Variants in CXADR observed in about 807,000 individuals in gnomAD.
The protein encoded by CXADR is CXADR cell adhesion molecule, also known as coxsackievirus and adenovirus receptor.
A neutral mutation model predicts 40.3 loss-of-function variants in CXADR; 20 were observed. That is an observed-to-expected ratio of 0.50 (90% confidence interval 0.35 to 0.72). The LOEUF (loss-of-function observed/expected upper bound fraction) is 0.72. Ranked by LOEUF, CXADR falls within the 30% of genes least tolerant of loss-of-function variation. The pLI, the probability that CXADR is intolerant of heterozygous loss-of-function variation, is 0.01. For missense variants in CXADR, 332 were observed against 449.1 expected (o/e 0.74, Z 2.36); for synonymous variants, 150 against 161.3 (o/e 0.93, Z 0.53).
chr21:17,627,297 G>A, the CXADR span, among the ~76,000 whole-genome samples: 169 of 152,190 alleles, frequency 1.1e-3, no homozygotes, highest in Non-Finnish European at 2.0e-3. Context: ...CGGAGGTTGC[G>A]GTGAGCCGAG....
chr21:17,617,886 G>T, the CXADR span, among the ~76,000 whole-genome samples: 1 of 152,178 alleles, frequency 6.6e-6, no homozygotes, highest in African/African-American at 2.4e-5. Flanking sequence ...CTGGTAGCTT[G>T]TGATGTTGTT....
the CXADR span, among the ~76,000 whole-genome samples, chr21:17,631,386 A>C: frequency 6.6e-6 from 1 of 152,234 alleles, no homozygotes; most frequent in Non-Finnish European, 1.5e-5. Flanking sequence ...TTTGTTGGCC[A>C]GCACACTAGT....
In CXADR at chr21:17,537,576, C is replaced by G. The variant is rs553732761; in HGVS notation, c.44-9451C>G. On this transcript the variant is annotated intron_variant, in intron 1 of 6. Transcript: ENST00000284878. ...CTTGAATTCTACAATGAGTCATGATCTTTAAAATCCCTGTGCATGTGCCAT... is the reference window on the plus strand; with the variant it reads ...CTTGAATTCTACAATGAGTCATGATGTTTAAAATCCCTGTGCATGTGCCAT... 1.1e-4 allele frequency among the ~76,000 whole-genome samples: 16 copies of G among 152,128 alleles called. No homozygotes were observed. In the South Asian group the frequency reaches 3.3e-3, roughly 32 times the overall value.
intron 7 of CXADR, among the ~76,000 whole-genome samples, chr21:17,589,929 C>T (rs2061423149): frequency 6.6e-6 from 1 of 151,872 alleles, no homozygotes; most frequent in Admixed American, 6.6e-5. Context: ...ATTTTGATTC[C>T]CAAAATAAAT....
At chr21:17,591,046 C>T (rs956178525) in intron 7 of CXADR, among the ~76,000 whole-genome samples, 1 of 151,880 alleles carries the variant, frequency 6.6e-6, no homozygotes, top group East Asian at 2.0e-4. Flanking sequence ...TACCTTCGCA[C>T]TGGTTCCTTT....
chr21:17,515,438 ACT>A (rs749732828), intron 1 of CXADR, among the ~76,000 whole-genome samples: 3 of 150,340 alleles, frequency 2.0e-5, no homozygotes, highest in Non-Finnish European at 3.0e-5. Context: ...ACAGAGTGAG[ACT>A]CTGTCTCAAA....
chr21:17,523,558 A>G (rs932665498), intron 1 of CXADR, among the ~76,000 whole-genome samples: 2 of 152,164 alleles, frequency 1.3e-5, no homozygotes, highest in Non-Finnish European at 2.9e-5. Context: ...AGTCATCATC[A>G]GATGAGAGTT....
rs981433415 is a variant in CXADR at position 17,569,451 on chromosome 21, G to A, written c.*3759G>A. 7 of 984,916 alleles carry A rather than the reference G, an allele frequency of 7.1e-6. No individual in the cohort carries two copies. The South Asian group carries it at 1.9e-4, about 26-fold the overall frequency. 61.0% of individuals were successfully genotyped at this position (984,916 alleles called of 1,614,324 possible). ...CTGGGCAAGTTTTAATATTTTGAAT[G>A]CCTTTGGATATTCCAGCAATAAAGG... On this transcript the variant is annotated 3_prime_UTR_variant, in exon 7 of 7. Transcript: ENST00000284878.
At chr21:17,621,520 G>A in the CXADR span, among the ~76,000 whole-genome samples, 1 of 152,182 alleles carries the variant, frequency 6.6e-6, no homozygotes, top group Non-Finnish European at 1.5e-5. Context: ...ATAAATTAAT[G>A]TGACCCCTGC....
downstream of CXADR, among the ~76,000 whole-genome samples, chr21:17,573,345 G>A (rs1208498968): frequency 6.6e-6 from 1 of 152,082 alleles, no homozygotes; most frequent in Admixed American, 6.5e-5. Flanking sequence ...ATAGAGGATG[G>A]GGACACCTCA....
chr21:17,577,474 T>C (rs548016706), intron 7 of CXADR, among the ~76,000 whole-genome samples: 21 of 152,254 alleles, frequency 1.4e-4, no homozygotes, highest in Non-Finnish European at 2.5e-4. Context: ...TTATGTCATA[T>C]GTAATGTTGC....
At chr21:17,593,115 A>C in intron 7 of CXADR, 1 of 1,318,578 alleles carries the variant, frequency 7.6e-7, no homozygotes, top group Non-Finnish European at 9.8e-7. Flanking sequence ...GAAAAATCAA[A>C]ACTCTTATAG....
chr21:17,580,825 A>G (rs899217298), intron 7 of CXADR, among the ~76,000 whole-genome samples: 29 of 152,140 alleles, frequency 1.9e-4, no homozygotes, highest in South Asian at 1.2e-3. Context: ...ATCATGGCTC[A>G]CTGCAGCCTC....
intron 1 of CXADR, chr21:17,530,361 C>T (rs1367189402): frequency 9.0e-6 from 4 of 444,666 alleles, no homozygotes; most frequent in Admixed American, 5.0e-5. Flanking sequence ...TGTTTTTTGT[C>T]TTATTTTACT....
chr21:17,628,084 A>G, the CXADR span, among the ~76,000 whole-genome samples: 1 of 152,200 alleles, frequency 6.6e-6, no homozygotes, highest in African/African-American at 2.4e-5. Context: ...AGAGTTATAC[A>G]CTTAAGAGAT....
At chr21:17,587,676 T>C (rs1428730942) in intron 7 of CXADR, among the ~76,000 whole-genome samples, 1 of 152,114 alleles carries the variant, frequency 6.6e-6, no homozygotes, top group African/African-American at 2.4e-5. Context: ...TATTCTCCCA[T>C]TCTGTAGGTT....
chr21:17,598,053 A>AT (rs1569175337), downstream of CXADR, among the ~76,000 whole-genome samples: 1 of 152,178 alleles, frequency 6.6e-6, no homozygotes, highest in East Asian at 1.9e-4. Context: ...TTGGTCAACA[A>AT]TTTTTTAAAG....
chr21:17,587,350 C>T (rs995196851), intron 7 of CXADR, among the ~76,000 whole-genome samples: 2 of 152,094 alleles, frequency 1.3e-5, no homozygotes, highest in African/African-American at 4.8e-5. Context: ...TTTACAGTCC[C>T]ACCAACAGTG....
chr21:17,602,119 A>G, the CXADR span, among the ~76,000 whole-genome samples: 8 of 152,186 alleles, frequency 5.3e-5, no homozygotes, highest in Non-Finnish European at 8.8e-5. Context: ...AATAGTATTT[A>G]ACACTCTATT....
Sources: gnomAD v4.1 joint callset for allele counts (sites outside exome capture counted in the v4.1 genomes callset) on GRCh38, gnomAD v4.1.1 for gene constraint, MANE v1.5 for transcripts, NCBI Gene and HGNC (gene_info 2026-07-23, HGNC 2026-07-21) for gene names.